The following USP24 variants were observed in gnomAD, a reference collection of about 807,000 sequenced individuals.
USP24 encodes ubiquitin carboxyl-terminal hydrolase 24.
Under a neutral mutation model 361.6 loss-of-function variants are expected in USP24, and 97 were observed. The observed-to-expected ratio is 0.27, with a 90% CI of 0.23 to 0.32. USP24 has a LOEUF of 0.32. Ranked by LOEUF, USP24 falls within the 10% of genes least tolerant of loss-of-function variation. USP24 has a pLI of 1.00. For synonymous variants in USP24, 1,098 were observed against 1,124.6 expected, an observed-to-expected ratio of 0.98 and a Z score of 0.47; for missense variants, 2,353 against 3,165.6, an observed-to-expected ratio of 0.74 and a Z score of 6.16.
intron 12 of USP24, among the ~76,000 whole-genome samples, chr1:55,156,083 C>G (rs954084751): frequency 4.6e-5 from 7 of 152,056 alleles, no homozygotes; most frequent in African/African-American, 2.4e-5. Flanking sequence ...TAAGTTGATA[C>G]AGTCAAAGAG....
intron 50 of USP24, among the ~76,000 whole-genome samples, chr1:55,096,047 G>A (rs1021862221): frequency 6.6e-6 from 1 of 152,206 alleles, no homozygotes; most frequent in Non-Finnish European, 1.5e-5. Context: ...GGGGATTGTA[G>A]AGGGAAAGAC....
At chr1:55,179,238 A>G (rs1569609666) in intron 1 of USP24, among the ~76,000 whole-genome samples, 1 of 152,204 alleles carries the variant, frequency 6.6e-6, no homozygotes, top group East Asian at 1.9e-4. Flanking sequence ...CTAGAACAGC[A>G]CACTCTCTGT....
chr1:55,181,554 T>A (rs1643966667), intron 1 of USP24, among the ~76,000 whole-genome samples: 1 of 152,238 alleles, frequency 6.6e-6, no homozygotes, highest in South Asian at 2.1e-4. Context: ...TTTATTACCT[T>A]AGGATTAAAG....
At chr1:55,107,969 T>G (rs1255326589) in intron 39 of USP24, among the ~76,000 whole-genome samples, 3 of 151,336 alleles carry the variant, frequency 2.0e-5, no homozygotes, top group African/African-American at 7.3e-5. Context: ...ATTGGTTGCC[T>G]CCTCTGTGCA....
intron 48 of USP24, among the ~76,000 whole-genome samples, 193 bp from the exon 49 acceptor site, chr1:55,097,365 A>C (rs1645520149): frequency 1.3e-5 from 2 of 152,160 alleles, no homozygotes; most frequent in Admixed American, 1.3e-4. Context: ...TTGAGCCCTA[A>C]GGAAGGCATT....
intron 45 of USP24, among the ~76,000 whole-genome samples, 198 bp from the exon 46 acceptor site, chr1:55,098,756 A>C (rs1645555990): frequency 6.6e-6 from 1 of 152,120 alleles, no homozygotes; most frequent in Non-Finnish European, 1.5e-5. Context: ...GAAGAGGAGG[A>C]GGGATGGGTC....
chr1:55,121,921 C>T (rs1364014700), intron 36 of USP24, among the ~76,000 whole-genome samples: 1 of 152,024 alleles, frequency 6.6e-6, no homozygotes, highest in African/African-American at 2.4e-5. Context: ...GAAAATTAAA[C>T]GAAATCAAAC....
At chr1:55,180,422 G>A (rs151163976) in intron 1 of USP24, among the ~76,000 whole-genome samples, 3 of 152,238 alleles carry the variant, frequency 2.0e-5, no homozygotes, top group African/African-American at 7.2e-5. Flanking sequence ...GACTCACTAA[G>A]GTCTCATTGG....
chr1:55,115,356 C>T (rs1466635843), intron 38 of USP24, among the ~76,000 whole-genome samples: 5 of 151,220 alleles, frequency 3.3e-5, no homozygotes, highest in African/African-American at 4.8e-5. Flanking sequence ...ATTAGCCGGG[C>T]GTAGTGGCGG....
At chr1:55,204,429 C>CA (rs1419336685) in intron 1 of USP24, among the ~76,000 whole-genome samples, 1 of 150,736 alleles carries the variant, frequency 6.6e-6, no homozygotes, top group Non-Finnish European at 1.5e-5. Flanking sequence ...ATCTAACAGG[C>CA]AAAAAAATAC....
chr1:55,198,367 G>A (rs1009548044), intron 1 of USP24, among the ~76,000 whole-genome samples: 1 of 152,178 alleles, frequency 6.6e-6, no homozygotes, highest in African/African-American at 2.4e-5. Flanking sequence ...GATGAAGTCG[G>A]AGAGAATGAA....
chr1:55,200,631 A>G (rs188865795), intron 1 of USP24, among the ~76,000 whole-genome samples: 1 of 152,338 alleles, frequency 6.6e-6, no homozygotes, highest in East Asian at 1.9e-4. Flanking sequence ...ATCATTAATC[A>G]TTATTATAGA....
At chr1:55,205,703 TC>T (rs1206773504) in intron 1 of USP24, among the ~76,000 whole-genome samples, 4 of 152,222 alleles carry the variant, frequency 2.6e-5, no homozygotes, top group African/African-American at 9.6e-5. Context: ...TTTTAACTAC[TC>T]TCATTTAAAC....
chr1:55,157,929 C>T (rs1041477734), intron 10 of USP24, among the ~76,000 whole-genome samples: 1 of 152,078 alleles, frequency 6.6e-6, no homozygotes, highest in East Asian at 1.9e-4. Flanking sequence ...TAACCCAAAC[C>T]TCAATCAGGC....
chr1:55,169,891 G>C (rs978343758), intron 5 of USP24, among the ~76,000 whole-genome samples: 1 of 152,148 alleles, frequency 6.6e-6, no homozygotes, highest in Non-Finnish European at 1.5e-5. Flanking sequence ...GTAAAATAAA[G>C]AGGTAATGAA....
intron 3 of USP24, among the ~76,000 whole-genome samples, chr1:55,174,305 T>C (rs931796011): frequency 2.6e-5 from 4 of 152,196 alleles, no homozygotes; most frequent in Non-Finnish European, 5.9e-5. Flanking sequence ...GTACCAATTA[T>C]ATCAAATCCT....
intron 7 of USP24, 123 bp downstream of exon 7, chr1:55,165,762 T>C: frequency 1.4e-6 from 1 of 701,008 alleles, no homozygotes; most frequent in Non-Finnish European, 2.1e-6. Flanking sequence ...TGGAATCTGC[T>C]CCTCTAAAGA....
chr1:55,146,645 T>G (rs1011099784), intron 19 of USP24, among the ~76,000 whole-genome samples: 9 of 152,190 alleles, frequency 5.9e-5, no homozygotes, highest in Non-Finnish European at 1.3e-4. Flanking sequence ...AAAATTAGTT[T>G]CATATGGAAG....
In USP24 at chr1:55,178,115, T is replaced by C. The variant is rs1025285704; in HGVS notation, c.342A>G (p.Gly114=). The C allele has an allele frequency of 6.4e-7, 1 of 1,551,132 alleles. No homozygotes were observed. The highest frequency in any genetic ancestry group is 2.4e-5 in the East Asian group (1 of 40,868). The change falls in exon 2 of 68, where the codon GGA becomes GGG. Residue 114 remains glycine (G), a synonymous_variant. Coordinates refer to ENST00000294383, the MANE Select transcript of USP24 (RefSeq NM_015306.3). The stretch of plus-strand genomic sequence containing the variant: ...ATTCAATTCCTTCCCCTGAGCAGTT[T>C]CCATTCTCATCATTCTTCTGACGAA... ...VVDAEKNDEN[G]NCSGEGIEFP...
Sources: gnomAD v4.1 joint callset for allele counts (sites outside exome capture counted in the v4.1 genomes callset) on GRCh38, gnomAD v4.1.1 for gene constraint, MANE v1.5 for transcripts, NCBI Gene and HGNC (gene_info 2026-07-23, HGNC 2026-07-21) for gene names.